Variants in PTPRT observed in about 807,000 individuals in gnomAD.
PTPRT encodes protein tyrosine phosphatase receptor type T, also known as receptor-type tyrosine-protein phosphatase T.
PTPRT carries 56 observed loss-of-function variants against 176.8 expected under a neutral mutation model. The observed-to-expected ratio is 0.32, with a 90% confidence interval of 0.26 to 0.40. PTPRT has a LOEUF of 0.40. PTPRT is among the 10% of genes least tolerant of loss of function. The pLI, the probability that PTPRT is intolerant of heterozygous loss-of-function variation, is 1.00. For synonymous variants in PTPRT, 783 were observed against 739.0 expected (o/e 1.06, Z -0.96); for missense variants, 1,540 against 1,908.2 (o/e 0.81, Z 3.60).
chr20:42,738,563 G>T (rs1004968758), intron 6 of PTPRT, among the ~76,000 whole-genome samples: 5 of 151,988 alleles, frequency 3.3e-5, no homozygotes, highest in African/African-American at 1.2e-4. Flanking sequence ...TCACTTATGA[G>T]CTCATTTTTC....
chr20:42,643,677 C>T (rs1163856639), intron 7 of PTPRT, among the ~76,000 whole-genome samples: 2 of 152,000 alleles, frequency 1.3e-5, no homozygotes, highest in Non-Finnish European at 2.9e-5. Flanking sequence ...CCCAAGCTTA[C>T]AGTTAGTGAT....
At chr20:42,950,207 T>C (rs114197682) in intron 1 of PTPRT, among the ~76,000 whole-genome samples, 353 of 152,296 alleles carry the variant, frequency 2.3e-3, no homozygotes, top group African/African-American at 8.2e-3. Flanking sequence ...GCACTTGGCT[T>C]CAAACTGAAC....
chr20:42,372,975 T>C (rs1325262141), intron 9 of PTPRT, among the ~76,000 whole-genome samples: 2 of 152,238 alleles, frequency 1.3e-5, no homozygotes, highest in Non-Finnish European at 2.9e-5. Flanking sequence ...ACTAAAACAA[T>C]GTCTAACTAA....
At chr20:42,371,282 T>A (rs1185277024) in intron 9 of PTPRT, among the ~76,000 whole-genome samples, 1 of 152,190 alleles carries the variant, frequency 6.6e-6, no homozygotes, top group African/African-American at 2.4e-5. Context: ...GCCAACATTT[T>A]CTTTGTGACT....
intron 6 of PTPRT, among the ~76,000 whole-genome samples, chr20:42,752,888 C>T (rs1569134376): frequency 6.6e-6 from 1 of 152,112 alleles, no homozygotes; most frequent in Non-Finnish European, 1.5e-5. Flanking sequence ...TGACAGGTTT[C>T]CTCTGGTTGC....
chr20:42,485,007 G>T (rs1601109681), intron 7 of PTPRT, among the ~76,000 whole-genome samples: 1 of 152,222 alleles, frequency 6.6e-6, no homozygotes, highest in Non-Finnish European at 1.5e-5. Context: ...AGGGTGGTCA[G>T]CTGTGTGCCT....
chr20:42,976,203 T>C (rs1448004297), intron 1 of PTPRT, among the ~76,000 whole-genome samples: 1 of 152,068 alleles, frequency 6.6e-6, no homozygotes, highest in Non-Finnish European at 1.5e-5. Flanking sequence ...ACTACAATAA[T>C]TGAGAAAACT....
At chr20:43,060,097 T>C (rs1278084952) in intron 1 of PTPRT, among the ~76,000 whole-genome samples, 3 of 152,180 alleles carry the variant, frequency 2.0e-5, no homozygotes, top group African/African-American at 7.2e-5. Context: ...AGCCTCATTA[T>C]CCAGTTCCAA....
intron 7 of PTPRT, among the ~76,000 whole-genome samples, chr20:42,553,402 T>A (rs909773612): frequency 6.6e-5 from 10 of 152,198 alleles, no homozygotes; most frequent in Admixed American, 6.5e-4. Context: ...ACATTTACTT[T>A]CCTTCTTACT....
intron 1 of PTPRT, among the ~76,000 whole-genome samples, chr20:43,160,342 T>A (rs2014657762): frequency 6.6e-6 from 1 of 152,234 alleles, no homozygotes; most frequent in Non-Finnish European, 1.5e-5. Flanking sequence ...TCCAGTTGAT[T>A]AATAACTACT....
At chr20:42,492,407 C>T in intron 7 of PTPRT, among the ~76,000 whole-genome samples, 1 of 152,168 alleles carries the variant, frequency 6.6e-6, no homozygotes, top group Non-Finnish European at 1.5e-5. Flanking sequence ...TGATTCCTCA[C>T]TGTGGTTTTA....
chr20:42,523,221 C>G lies in PTPRT; in HGVS notation c.1154-50659G>C, dbSNP rs141486086. Among the ~76,000 whole-genome samples the G allele has an allele frequency of 9.2e-3, 1,394 of 152,264 alleles. 13 individuals are homozygous for G. The highest frequency in any genetic ancestry group is 0.034 in the Middle Eastern group (10 of 294). ...CTGTTAGTTATGTGTGACTCTGAAG[C>G]CCATACGATGCCTTATTACTTTCCT... On this transcript the variant is annotated intron_variant, in intron 7 of 30. Coordinates refer to ENST00000373187, the MANE Select transcript of PTPRT (RefSeq NM_007050.6).
intron 13 of PTPRT, among the ~76,000 whole-genome samples, chr20:42,276,385 G>T (rs2057030001): frequency 6.7e-6 from 1 of 149,432 alleles, no homozygotes; most frequent in Non-Finnish European, 1.5e-5. Flanking sequence ...AGTGACTAGA[G>T]TCTGGGCTGT....
chr20:43,091,420 G>GTCTCTC (rs143966073), intron 1 of PTPRT, among the ~76,000 whole-genome samples: 1 of 147,168 alleles, frequency 6.8e-6, no homozygotes, highest in African/African-American at 2.5e-5. Context: ...GCTTTCTAGA[G>GTCTCTC]TCTCTCTCTC....
At chr20:43,051,803 G>A (rs542700551) in intron 1 of PTPRT, among the ~76,000 whole-genome samples, 1 of 151,840 alleles carries the variant, frequency 6.6e-6, no homozygotes, top group South Asian at 2.1e-4. Flanking sequence ...ACCGTTAAAG[G>A]AAAAAACTAT....
At chr20:42,761,814 GAT>G (rs1240747088) in intron 5 of PTPRT, among the ~76,000 whole-genome samples, 1 of 152,198 alleles carries the variant, frequency 6.6e-6, no homozygotes, top group Non-Finnish European at 1.5e-5. Context: ...AACAAAACCT[GAT>G]ATCACTTTGC....
At chr20:42,818,672 A>G (rs756459530) in intron 2 of PTPRT, among the ~76,000 whole-genome samples, 5 of 152,174 alleles carry the variant, frequency 3.3e-5, no homozygotes, top group Non-Finnish European at 7.3e-5. Context: ...TTTAGAGAGG[A>G]ACATAAATTA....
At chr20:42,731,589 G>A (rs902104568) in intron 6 of PTPRT, among the ~76,000 whole-genome samples, 5 of 152,228 alleles carry the variant, frequency 3.3e-5, no homozygotes, top group Non-Finnish European at 7.3e-5. Flanking sequence ...AAGGTTGTGC[G>A]TCCACATTGC....
At chr20:43,146,819 T>C (rs1324203884) in intron 1 of PTPRT, among the ~76,000 whole-genome samples, 2 of 152,174 alleles carry the variant, frequency 1.3e-5, no homozygotes, top group Non-Finnish European at 1.5e-5. Context: ...GCTGCCCCTG[T>C]GGACCCTACT....
Sources: allele counts gnomAD v4.1 joint callset (sites outside exome capture counted in the v4.1 genomes callset), GRCh38; gene constraint gnomAD v4.1.1; transcripts MANE v1.5; gene names NCBI Gene and HGNC (gene_info 2026-07-23, HGNC 2026-07-21).